Variants in PHIP observed in about 807,000 individuals in gnomAD.
PHIP encodes the protein PH-interacting protein.
Under a neutral mutation model 236.8 loss-of-function variants are expected in PHIP, and 54 were observed. The ratio of observed to expected loss-of-function variants is 0.23; its 90% CI spans 0.18 to 0.29. The LOEUF (loss-of-function observed/expected upper bound fraction) is 0.29, where lower values mean the gene tolerates loss of function less well. Ranked by LOEUF, PHIP falls within the 10% of genes least tolerant of loss-of-function variation. The probability of loss-of-function intolerance (pLI) is 1.00; values close to 1 mark genes in which losing one functional copy is unlikely to be tolerated. For missense variants in PHIP, 1,370 were observed against 2,190.8 expected (o/e 0.63, Z 7.48); for synonymous variants, 756 against 718.9 (o/e 1.05, Z -0.83).
intron 4 of PHIP, among the ~76,000 whole-genome samples, chr6:79,076,176 CA>C (rs1774150419): frequency 6.6e-6 from 1 of 152,136 alleles, no homozygotes; most frequent in Non-Finnish European, 1.5e-5. Context: ...TATTAAACCA[CA>C]AGAGATTTAT....
Position 78,946,085 on chromosome 6 carries a change from C to A in PHIP, c.4546G>T (p.Val1516Phe), listed in dbSNP as rs138108985. The A allele has an allele frequency of 5.6e-6, 9 of 1,613,392 alleles. No individual in the cohort carries two copies. Among genetic ancestry groups the A allele is most frequent in the Non-Finnish European group, 7.6e-6 (9 of 1,179,444 alleles). Residue 1516 changes from valine (V) to phenylalanine (F), a missense_variant, in exon 38 of 40, where the codon GTT (valine) becomes TTT (phenylalanine). By Grantham distance (50) the Val-to-Phe change is conservative. Around this residue, in one of 14 missense-constraint regions of PHIP, gnomAD observed 309 missense variants for 328.3 expected, o/e 0.94. Transcript: ENST00000275034. Reference sequence around the variant, plus strand: ...GAAGTAGATGGTTGCTCAGTGACAACTGGATCTACAACCACTCGGTTGCTT... The same window carrying A: ...GAAGTAGATGGTTGCTCAGTGACAAATGGATCTACAACCACTCGGTTGCTT... ...TRSNRVVVDP[V>F]VTEQPSTSSA...
chr6:78,978,002 T>A (rs1768233898), intron 24 of PHIP, among the ~76,000 whole-genome samples: 1 of 152,168 alleles, frequency 6.6e-6, no homozygotes, highest in African/African-American at 2.4e-5. Context: ...AAAATTTGTG[T>A]ACAAAACAAG....
intron 7 of PHIP, among the ~76,000 whole-genome samples, chr6:79,031,266 G>T (rs1209555235): frequency 6.6e-6 from 1 of 152,088 alleles, no homozygotes; most frequent in Non-Finnish European, 1.5e-5. Context: ...AATGTAAAAT[G>T]GTTATAATTA....
At chr6:79,073,327 A>G (rs375939285) in intron 4 of PHIP, among the ~76,000 whole-genome samples, 1 of 152,122 alleles carries the variant, frequency 6.6e-6, no homozygotes, top group African/African-American at 2.4e-5. Flanking sequence ...CACGCCTAAC[A>G]TATTTTATTC....
At chr6:79,060,208 A>C (rs927858834) in intron 6 of PHIP, among the ~76,000 whole-genome samples, 1 of 152,186 alleles carries the variant, frequency 6.6e-6, no homozygotes, top group Non-Finnish European at 1.5e-5. Context: ...ACTCGACCTA[A>C]TAATATATAC....
chr6:79,008,865 AC>A (rs368192531), intron 15 of PHIP, among the ~76,000 whole-genome samples: 152 of 152,136 alleles, frequency 1.0e-3, no homozygotes, highest in African/African-American at 3.6e-3. Flanking sequence ...TCATATTTCC[AC>A]TAATAAAACC....
chr6:78,945,648 A>T (rs1773772183), intron 38 of PHIP, 151 bp from the exon 39 acceptor site: 3 of 639,116 alleles, frequency 4.7e-6, no homozygotes, highest in Non-Finnish European at 8.2e-6. Context: ...AATAGGAAAA[A>T]GGCGTATCCA....
rs190068536 is a variant in PHIP at position 79,070,850 on chromosome 6, A to C, written c.189+6598T>G. On this transcript the variant is annotated intron_variant, in intron 4 of 39. Transcript: ENST00000275034. ...AATAATTGTTACAATGTATTTTAAA[A>C]ATTTTTTATGTATTTTTTTCTAAAC... 6.2e-4 allele frequency among the ~76,000 whole-genome samples: 95 copies of C among 152,308 alleles called. 1 individual carries two copies. In the South Asian group the frequency reaches 7.9e-3, roughly 13 times the overall value.
intron 9 of PHIP, among the ~76,000 whole-genome samples, chr6:79,022,877 TAA>T (rs905530822): frequency 3.3e-5 from 5 of 152,208 alleles, no homozygotes; most frequent in African/African-American, 1.2e-4. Context: ...GCAGGATTTC[TAA>T]AGTCATTTCC....
At chr6:79,037,309 T>C (rs779681847) in intron 7 of PHIP, among the ~76,000 whole-genome samples, 2 of 152,164 alleles carry the variant, frequency 1.3e-5, no homozygotes, top group Admixed American at 6.5e-5. Context: ...CAATGTTTCT[T>C]CATGACCAGA....
intron 22 of PHIP, 65 bp downstream of exon 22, chr6:78,985,286 TA>T (rs370502782): frequency 0.014 from 9,327 of 662,890 alleles, no homozygotes; most frequent in South Asian, 0.02. Flanking sequence ...TGTTGCTGGT[TA>T]AAAAAAAAAA....
chr6:78,992,975 T>C (rs1348015495), intron 19 of PHIP, among the ~76,000 whole-genome samples: 1 of 152,152 alleles, frequency 6.6e-6, no homozygotes, highest in Non-Finnish European at 1.5e-5. Flanking sequence ...ACGTTTTCAA[T>C]GAAAAGGAAA....
At chr6:78,976,410 A>G (rs1285282085) in intron 24 of PHIP, among the ~76,000 whole-genome samples, 8 of 113,176 alleles carry the variant, frequency 7.1e-5, no homozygotes, top group South Asian at 3.6e-4. Context: ...TAGACCTAAA[A>G]CCATAAAAAC....
chr6:78,982,955 TTTC>T lies in PHIP; in HGVS notation c.2697_2699del (p.Lys901del). Reference sequence around the variant, plus strand: ...GTCCATCTTTTTCTTCATTTACTTTTTTCTTTTCCTTTTTAATCTGTTTTTGCT... The same window carrying T: ...GTCCATCTTTTTCTTCATTTACTTTTTTTTCCTTTTTAATCTGTTTTTGCT... On this transcript the variant is annotated inframe_deletion, in exon 23 of 40. Coordinates refer to ENST00000275034, the MANE Select transcript of PHIP (RefSeq NM_017934.7). 1 of 1,604,298 alleles carries T rather than the reference TTTC, an allele frequency of 6.2e-7. No individual in the cohort carries two copies. Among genetic ancestry groups the T allele is most frequent in the Non-Finnish European group, 8.5e-7 (1 of 1,175,834 alleles).
rs536375045 is a variant in PHIP, at chr6:78,948,958, A to G, written c.4054-1183T>C. ...TACAAATTTTTATTTCTTCCTTTCC[A>G]ATAGTTATGCCTTTTATTTCCTTTT... is the stretch of plus-strand genomic sequence containing the variant. On this transcript the variant is annotated intron_variant, in intron 35 of 39. Transcript: ENST00000275034. Among the ~76,000 whole-genome samples the G allele has an allele frequency of 2.0e-4, 31 of 152,252 alleles. No homozygotes were observed. In the South Asian group the frequency reaches 6.4e-3, roughly 32 times the overall value.
intron 7 of PHIP, among the ~76,000 whole-genome samples, chr6:79,039,469 C>T (rs1455750917): frequency 2.0e-5 from 3 of 152,112 alleles, no homozygotes; most frequent in African/African-American, 7.2e-5. Flanking sequence ...TATGGTATCT[C>T]AGTACCTTGT....
At chr6:78,974,419 A>C (rs1193138070) in intron 24 of PHIP, among the ~76,000 whole-genome samples, 1 of 152,000 alleles carries the variant, frequency 6.6e-6, no homozygotes, top group Non-Finnish European at 1.5e-5. Context: ...CCACAAGAGT[A>C]AGCAGGAAAG....
intron 24 of PHIP, among the ~76,000 whole-genome samples, chr6:78,974,678 T>C (rs1389238991): frequency 1.3e-5 from 2 of 152,036 alleles, no homozygotes; most frequent in Non-Finnish European, 2.9e-5. Flanking sequence ...CAATAAAAAA[T>C]GATAAAGGGG....
intron 4 of PHIP, among the ~76,000 whole-genome samples, chr6:79,072,374 C>A (rs1265077194): frequency 2.9e-4 from 44 of 152,208 alleles, no homozygotes; most frequent in Admixed American, 2.9e-3. Flanking sequence ...AGAGGTCTAT[C>A]CACAATGCCT....
Sources: gnomAD v4.1 joint callset for allele counts (sites outside exome capture counted in the v4.1 genomes callset) on GRCh38, gnomAD v4.1.1 for gene constraint, gnomAD v4.1.1 regional missense constraint, MANE v1.5 for transcripts, NCBI Gene and HGNC (gene_info 2026-07-23, HGNC 2026-07-21) for gene names.